Variants in DLC1 observed in about 807,000 individuals in gnomAD.
DLC1 encodes the protein DLC1 Rho GTPase activating protein, also known as rho GTPase-activating protein 7.
DLC1 carries 54 observed loss-of-function variants against 140.3 expected under a neutral mutation model. The ratio of observed to expected loss-of-function variants is 0.38; its 90% CI spans 0.31 to 0.48. The LOEUF (loss-of-function observed/expected upper bound fraction) is 0.48, where lower values mean the gene tolerates loss of function less well. DLC1 is among the 20% of genes least tolerant of loss of function. DLC1 has a pLI of 0.96. For missense variants in DLC1, 2,536 were observed against 1,907.0 expected (o/e 1.33, Z -6.14); for synonymous variants, 986 against 728.1 (o/e 1.35, Z -5.70).
At chr8:13,553,701 C>T (rs551523498) in intron 1 of DLC1, among the ~76,000 whole-genome samples, 144 of 152,028 alleles carry the variant, frequency 9.5e-4, no homozygotes, top group African/African-American at 3.3e-3. Flanking sequence ...AAAGAGTTCT[C>T]TACATTTATT....
intron 4 of DLC1, among the ~76,000 whole-genome samples, chr8:13,314,973 A>G (rs1832809924): frequency 6.6e-6 from 1 of 152,204 alleles, no homozygotes; most frequent in Non-Finnish European, 1.5e-5. Flanking sequence ...GATCAGTAAA[A>G]TATAGGTTTT....
At chr8:13,237,195 ATATGTGTGTG>A (rs1281276847) in intron 5 of DLC1, among the ~76,000 whole-genome samples, 3 of 102,860 alleles carry the variant, frequency 2.9e-5, no homozygotes, top group African/African-American at 1.0e-4. Flanking sequence ...ATATATATAT[ATATGTGTGTG>A]TGTGTGTGTG....
At chr8:13,132,841 C>G in intron 5 of DLC1, 1 of 1,392,764 alleles carries the variant, frequency 7.2e-7, no homozygotes. Context: ...GAGCACAGAA[C>G]AGGCACCGAC....
At chr8:13,547,641 A>G (rs762577354) in intron 1 of DLC1, among the ~76,000 whole-genome samples, 32 of 152,176 alleles carry the variant, frequency 2.1e-4, no homozygotes, top group Non-Finnish European at 3.4e-4. Context: ...ATGCATTAAG[A>G]AGGCAAATTT....
intron 5 of DLC1, among the ~76,000 whole-genome samples, chr8:13,301,856 C>T (rs1832207864): frequency 6.6e-6 from 1 of 152,162 alleles, no homozygotes; most frequent in African/African-American, 2.4e-5. Flanking sequence ...AGGCAGTGCA[C>T]TCCTTATGAT....
intron 1 of DLC1, among the ~76,000 whole-genome samples, chr8:13,531,564 C>T (rs114196066): frequency 0.018 from 2,718 of 151,986 alleles, 87 homozygotes; most frequent in African/African-American, 0.062. Flanking sequence ...CCAGGCTGGG[C>T]GACAGGGTGA....
chr8:13,184,591 C>G (rs1799521014), intron 5 of DLC1, among the ~76,000 whole-genome samples: 1 of 152,122 alleles, frequency 6.6e-6, no homozygotes, highest in African/African-American at 2.4e-5. Flanking sequence ...TGTTCAGTTT[C>G]CATGTAGTTG....
At chr8:13,377,151 G>A (rs1285836649) in intron 4 of DLC1, among the ~76,000 whole-genome samples, 2 of 152,130 alleles carry the variant, frequency 1.3e-5, no homozygotes, top group Non-Finnish European at 2.9e-5. Context: ...ACTCAGTTGT[G>A]AATTCTCAAG....
At chr8:13,512,614 A>G (rs1802427580) in intron 1 of DLC1, among the ~76,000 whole-genome samples, 1 of 152,140 alleles carries the variant, frequency 6.6e-6, no homozygotes, top group South Asian at 2.1e-4. Context: ...AGAACTTGAA[A>G]TAAGCTACAG....
At chr8:13,378,922 A>G (rs1327629798) in intron 4 of DLC1, among the ~76,000 whole-genome samples, 4 of 152,196 alleles carry the variant, frequency 2.6e-5, no homozygotes, top group African/African-American at 9.6e-5. Context: ...ACTCAGAGAT[A>G]TGCTAGGAAT....
chr8:13,092,907 C>T, intron 12 of DLC1, 82 bp from the exon 13 acceptor site: 1 of 1,428,382 alleles, frequency 7.0e-7, no homozygotes, highest in African/African-American at 1.4e-5. Flanking sequence ...CAAATATCGG[C>T]ATCAAATACC....
At chr8:13,587,779 G>A (rs1356316593) in intron 1 of DLC1, among the ~76,000 whole-genome samples, 5 of 151,690 alleles carry the variant, frequency 3.3e-5, no homozygotes, top group African/African-American at 1.2e-4. Flanking sequence ...AAAATAATGT[G>A]CTAGTCAATC....
chr8:13,106,501 T>A (rs2128942999), intron 7 of DLC1, among the ~76,000 whole-genome samples: 1 of 152,248 alleles, frequency 6.6e-6, no homozygotes, highest in Middle Eastern at 3.4e-3. Flanking sequence ...GTATGCACCA[T>A]CATGCCTGGC....
At chr8:13,124,969 G>T (rs1293922814) in intron 5 of DLC1, among the ~76,000 whole-genome samples, 1 of 151,524 alleles carries the variant, frequency 6.6e-6, no homozygotes, top group East Asian at 1.9e-4. Flanking sequence ...TTTCCAATTT[G>T]CCTTTCTTTT....
chr8:13,110,011 C>T (rs1819943501), intron 7 of DLC1, among the ~76,000 whole-genome samples: 1 of 151,954 alleles, frequency 6.6e-6, no homozygotes, highest in Non-Finnish European at 1.5e-5. Flanking sequence ...TTTTTTTCCC[C>T]CAGAATTCAG....
intron 5 of DLC1, among the ~76,000 whole-genome samples, chr8:13,292,730 G>T (rs1295012884): frequency 6.6e-6 from 1 of 152,106 alleles, no homozygotes; most frequent in Non-Finnish European, 1.5e-5. Flanking sequence ...AAGTCTAACA[G>T]AATTCTGACA....
At position 13,579,251 on chromosome 8, in the gene DLC1, T is replaced by TATATATATATATATATATATATATAC. The variant is rs1296705361; in HGVS notation, c.-126+25285_-126+25286insGTATATATATATATATATATATATAT. Among the ~76,000 whole-genome samples the TATATATATATATATATATATATATAC allele has an allele frequency of 1.9e-5, 2 of 106,172 alleles. 1 individual carries two copies. The highest frequency in any genetic ancestry group is 3.7e-5 in the Non-Finnish European group (2 of 53,702). The allele number at this position is 106,172 out of a possible 152,430, so 69.7% of individuals were successfully genotyped here. A position where few individuals can be genotyped will look rare whatever the true frequency, so the allele number is the denominator to read the frequency against. ...CTAATTGAGGAACAGGGAGCATATA[T>TATATATATATATATATATATATATAC]ATATATATATATATATATGCACATA... On this transcript the variant is annotated intron_variant, in intron 1 of 1. Coordinates refer to the DLC1 transcript ENST00000631382.
chr8:13,411,265 T>C (rs1485426878), intron 2 of DLC1, among the ~76,000 whole-genome samples: 1 of 152,138 alleles, frequency 6.6e-6, no homozygotes, highest in East Asian at 1.9e-4. Flanking sequence ...TGGAAAGATA[T>C]GGAGGAAATT....
intron 4 of DLC1, among the ~76,000 whole-genome samples, chr8:13,348,120 A>AACAT (rs1291608949): frequency 1.3e-5 from 2 of 151,308 alleles, no homozygotes; most frequent in Non-Finnish European, 2.9e-5. Context: ...TAAACAAACA[A>AACAT]ACTTCCTGGA....
Sources: gnomAD v4.1 joint callset for allele counts (sites outside exome capture counted in the v4.1 genomes callset) on GRCh38, gnomAD v4.1.1 for gene constraint, MANE v1.5 for transcripts, NCBI Gene and HGNC (gene_info 2026-07-23, HGNC 2026-07-21) for gene names.